The following RPS6KA5 variants were observed in gnomAD, a reference collection of about 807,000 sequenced individuals.
RPS6KA5 encodes the protein ribosomal protein S6 kinase A5, also known as ribosomal protein S6 kinase alpha-5.
A neutral mutation model predicts 85.5 loss-of-function variants in RPS6KA5; 27 were observed. That is an observed-to-expected ratio of 0.32 (90% CI 0.23 to 0.44). The LOEUF (loss-of-function observed/expected upper bound fraction) is 0.44, where lower values mean the gene tolerates loss of function less well. Ranked by LOEUF, RPS6KA5 falls within the 20% of genes least tolerant of loss-of-function variation. The pLI, the probability that RPS6KA5 is intolerant of heterozygous loss-of-function variation, is 1.00. For missense variants in RPS6KA5, 811 were observed against 980.9 expected (o/e 0.83, Z 2.31); for synonymous variants, 334 against 348.2 (o/e 0.96, Z 0.46).
At chr14:90,966,231 T>TA (rs1298340313) in intron 3 of RPS6KA5, among the ~76,000 whole-genome samples, 38 of 152,320 alleles carry the variant, frequency 2.5e-4, no homozygotes, top group African/African-American at 8.4e-4. Flanking sequence ...AACAAGACTC[T>TA]GTTGAGAAAT....
At chr14:90,901,490 T>C (rs116976368) in intron 9 of RPS6KA5, among the ~76,000 whole-genome samples, 4,780 of 152,316 alleles carry the variant, frequency 0.031, 137 homozygotes, top group Admixed American at 0.077. Context: ...TTCAGAATAA[T>C]TAAATTTAAA....
rs1343401262 is a variant in RPS6KA5, at chr14:90,856,001, T to C, written c.*16073A>G. 1 of 152,088 alleles carries C rather than the reference T, an allele frequency of 6.6e-6. No homozygotes were observed. Among genetic ancestry groups the C allele is most frequent in the Non-Finnish European group, 1.5e-5 (1 of 68,016 alleles). 9.4% of individuals were successfully genotyped at this position (152,088 alleles called of 1,614,324 possible). ...CCGGTGCTCCCATTATTATAATGAG[T>C]CCCAAAGTAAGAAATTAAACTTTAG... On this transcript the variant is annotated 3_prime_UTR_variant, in exon 17 of 17. Transcript: ENST00000614987.
chr14:90,962,232 T>C (rs547704173), intron 3 of RPS6KA5, among the ~76,000 whole-genome samples: 52 of 152,272 alleles, frequency 3.4e-4, no homozygotes, highest in East Asian at 1.2e-3. Context: ...AGGAAGTACA[T>C]AGTGGCTCCT....
rs2140093480 is a variant in RPS6KA5, at chr14:90,850,801, T to G, written c.*21273A>C. The stretch of plus-strand genomic sequence containing the variant: ...AAACACTGCTATGACGACAGTTTGA[T>G]CTGATCATCTATGCATTCCTCTGAA... On this transcript the variant is annotated 3_prime_UTR_variant, in exon 17 of 17. Transcript: ENST00000614987. 1 of 152,368 alleles carries G rather than the reference T, an allele frequency of 6.6e-6. No individual in the cohort carries two copies. 9.4% of individuals were successfully genotyped at this position (152,368 alleles called of 1,614,324 possible).
intron 1 of RPS6KA5, among the ~76,000 whole-genome samples, chr14:91,005,887 A>C (rs1443337230): frequency 6.6e-6 from 1 of 152,194 alleles, no homozygotes; most frequent in Non-Finnish European, 1.5e-5. Context: ...TGTGTGAGTC[A>C]TTCACATGCT....
chr14:90,906,341 CAAAAAAAAA>C, intron 7 of RPS6KA5, 42 bp from the exon 8 acceptor site: 1 of 1,159,072 alleles, frequency 8.6e-7, no homozygotes, highest in African/African-American at 1.7e-5. Flanking sequence ...AACAGGATGA[CAAAAAAAAA>C]AAAAAGCATG....
chr14:90,914,401 G>T (rs566264598), intron 7 of RPS6KA5, among the ~76,000 whole-genome samples: 1 of 126,178 alleles, frequency 7.9e-6, no homozygotes, highest in Non-Finnish European at 1.6e-5. Context: ...TGCAACCTCC[G>T]CCCCCAGGGT....
At chr14:90,901,303 C>G (rs2035155539) in intron 9 of RPS6KA5, among the ~76,000 whole-genome samples, 1 of 152,064 alleles carries the variant, frequency 6.6e-6, no homozygotes, top group Admixed American at 6.6e-5. Context: ...GTCTCAAACC[C>G]CTGACCTCAA....
At chr14:90,943,283 A>T (rs200843238) in intron 4 of RPS6KA5, 98 bp from the exon 5 acceptor site, 1 of 589,962 alleles carries the variant, frequency 1.7e-6, no homozygotes, top group Non-Finnish European at 2.9e-6. Context: ...TTTTTTTTTT[A>T]AGGCATTTCC....
At chr14:90,991,558 C>CA in intron 2 of RPS6KA5, among the ~76,000 whole-genome samples, 1 of 151,744 alleles carries the variant, frequency 6.6e-6, no homozygotes, top group South Asian at 2.1e-4. Flanking sequence ...AAAAATTATC[C>CA]GGGCATGGTG....
intron 3 of RPS6KA5, among the ~76,000 whole-genome samples, chr14:90,951,328 A>G (rs1021454851): frequency 4.0e-5 from 6 of 151,838 alleles, no homozygotes; most frequent in African/African-American, 1.5e-4. Flanking sequence ...CTAAAAATAC[A>G]AAACAAAATT....
chr14:90,992,356 A>G (rs543171797), intron 2 of RPS6KA5, among the ~76,000 whole-genome samples: 10 of 152,332 alleles, frequency 6.6e-5, no homozygotes, highest in Admixed American at 6.5e-4. Flanking sequence ...AACAGTGCAC[A>G]CACACAAAAT....
In RPS6KA5 at chr14:90,890,652, G is replaced by C; in HGVS notation, c.1671C>G (p.Asp557Glu). ...AATCAATTATTTTAATTTCCAAATT[G>C]TCATTTTCATCGGTGAACAATAAAT... Reference protein sequence around the residue: ...PENLLFTDENDNLEIKIIDFG... With the variant: ...PENLLFTDENENLEIKIIDFG... The change falls in exon 14 of 17, where the codon GAC becomes GAG. Residue 557 changes from aspartate (D) to glutamate (E), a missense_variant. Coordinates refer to ENST00000614987, the MANE Select transcript of RPS6KA5 (RefSeq NM_004755.4). The C allele has an allele frequency of 6.2e-7, 1 of 1,613,918 alleles. No homozygotes were observed. The highest frequency in any genetic ancestry group is 8.5e-7 in the Non-Finnish European group (1 of 1,179,910).
At chr14:91,003,143 A>G (rs2040858539) in intron 1 of RPS6KA5, among the ~76,000 whole-genome samples, 1 of 152,156 alleles carries the variant, frequency 6.6e-6, no homozygotes, top group African/African-American at 2.4e-5. Flanking sequence ...GTCATGTGTC[A>G]AAAATAATTA....
In RPS6KA5 at chr14:90,865,684, G is replaced by A. The variant is rs1238523315; in HGVS notation, c.*6390C>T. 1 of 152,222 alleles carries A rather than the reference G, an allele frequency of 6.6e-6. No homozygotes were observed. The highest frequency in any genetic ancestry group is 1.5e-5 in the Non-Finnish European group (1 of 68,052). The allele number at this position is 152,222 out of a possible 1,614,324, so 9.4% of individuals were successfully genotyped here. On this transcript the variant is annotated 3_prime_UTR_variant, in exon 17 of 17. Coordinates refer to ENST00000614987, the MANE Select transcript of RPS6KA5 (RefSeq NM_004755.4). The stretch of plus-strand genomic sequence containing the variant: ...ACTGGTCTCTGGCCACTGGATGTCA[G>A]TGTTTGGAGCAGTGGGCAGCAGGAA...
At chr14:90,926,019 A>T (rs949184327) in intron 5 of RPS6KA5, among the ~76,000 whole-genome samples, 9 of 152,114 alleles carry the variant, frequency 5.9e-5, no homozygotes, top group Non-Finnish European at 5.9e-5. Context: ...AAACGAGGCA[A>T]TAAAAAAGGC....
chr14:90,961,623 A>C (rs1217364075), intron 3 of RPS6KA5, among the ~76,000 whole-genome samples: 1 of 152,034 alleles, frequency 6.6e-6, no homozygotes, highest in Non-Finnish European at 1.5e-5. Flanking sequence ...GCTCATCTGA[A>C]TGTCACAGTA....
At chr14:90,900,821 C>A in intron 9 of RPS6KA5, 85 bp from the exon 10 acceptor site, 1 of 1,116,388 alleles carries the variant, frequency 9.0e-7, no homozygotes, top group Non-Finnish European at 1.2e-6. Flanking sequence ...ACTTTTTTTC[C>A]TTAGAAAAAC....
intron 3 of RPS6KA5, among the ~76,000 whole-genome samples, chr14:90,962,939 A>G (rs2038882101): frequency 6.6e-6 from 1 of 152,206 alleles, no homozygotes; most frequent in South Asian, 2.1e-4. Context: ...TAACCACAGT[A>G]TAATTGTAAA....
Sources: allele counts gnomAD v4.1 joint callset (sites outside exome capture counted in the v4.1 genomes callset), GRCh38; gene constraint gnomAD v4.1.1; transcripts MANE v1.5; gene names NCBI Gene and HGNC (gene_info 2026-07-23, HGNC 2026-07-21).